The following PHTF1 variants were observed in gnomAD, a reference collection of about 807,000 sequenced individuals.
PHTF1 encodes the protein protein PHTF1.
Under a neutral mutation model 102.4 loss-of-function variants are expected in PHTF1, and 88 were observed. The observed-to-expected ratio is 0.86, with a 90% CI of 0.72 to 1.03. The LOEUF (loss-of-function observed/expected upper bound fraction) is 1.03, where lower values mean the gene tolerates loss of function less well. Ranked by LOEUF, PHTF1 falls within the 50% of genes least tolerant of loss-of-function variation. The pLI is 0.00. For missense variants in PHTF1, 814 were observed against 909.5 expected (o/e 0.89, Z 1.35); for synonymous variants, 289 against 305.2 (o/e 0.95, Z 0.55).
chr1:113,729,319 C>T (rs1013402096), intron 5 of PHTF1, among the ~76,000 whole-genome samples: 3 of 151,780 alleles, frequency 2.0e-5, no homozygotes, highest in Admixed American at 6.6e-5. Context: ...TGGGACAGAA[C>T]GAAAAATACC....
At chr1:113,726,813 A>G (rs1427338696) in intron 5 of PHTF1, among the ~76,000 whole-genome samples, 1 of 152,200 alleles carries the variant, frequency 6.6e-6, no homozygotes, top group Non-Finnish European at 1.5e-5. Flanking sequence ...ATGATAATTT[A>G]GATATTTCAA....
At position 113,699,850 on chromosome 1, in the gene PHTF1, T is replaced by C. The variant is rs773492354; in HGVS notation, c.2047-51A>G. 2.1e-5 allele frequency: 16 copies of C among 764,386 alleles called. No homozygotes were observed. The South Asian group carries it at 2.4e-4, about 12-fold the overall frequency. 47.4% of individuals were successfully genotyped at this position (764,386 alleles called of 1,614,324 possible). Reference sequence around the variant, plus strand: ...TAAATTTCTTGGAAAAAAATATATATACTGCATAAAATCTGGCATATTTCA... The same window carrying C: ...TAAATTTCTTGGAAAAAAATATATACACTGCATAAAATCTGGCATATTTCA... On this transcript the variant is annotated intron_variant, in intron 16 of 18. Coordinates refer to ENST00000369604, the MANE Select transcript of PHTF1 (RefSeq NM_001323043.2).
chr1:113,700,902 C>T lies in PHTF1; in HGVS notation c.1938G>A (p.Glu646=). 1 of 1,613,108 alleles carries T rather than the reference C, an allele frequency of 6.2e-7. No individual in the cohort carries two copies. Among genetic ancestry groups the T allele is most frequent in the South Asian group, 1.1e-5 (1 of 90,948 alleles). The change falls in exon 16 of 19, where the codon GAG becomes GAA. Residue 646 remains glutamate, a synonymous_variant. Transcript: ENST00000369604. ...GTAAAGCTGTTTCCCAGATCAAAAA[C>T]TCCCAGTTATAAGCATCATTCAGGA... ...KTFLNDAYNW[E]FLIWETALLL...
chr1:113,728,253 T>C (rs895007971), intron 5 of PHTF1, among the ~76,000 whole-genome samples: 2 of 152,204 alleles, frequency 1.3e-5, no homozygotes, highest in Non-Finnish European at 2.9e-5. Context: ...AACAACTCTA[T>C]AGGAAATAAC....
At position 113,705,210 on chromosome 1, in the gene PHTF1, C is replaced by T. The variant is rs1015672656; in HGVS notation, c.1672-413G>A. On this transcript the variant is annotated intron_variant, in intron 13 of 18. Coordinates refer to ENST00000369604, the MANE Select transcript of PHTF1 (RefSeq NM_001323043.2). The stretch of plus-strand genomic sequence containing the variant: ...AATCCCAGCACTTTGGGAGGAAAGA[C>T]GGGCGGATAACTTGAGCCCTGGAGT... 4.6e-5 allele frequency among the ~76,000 whole-genome samples: 7 copies of T among 152,186 alleles called. No homozygotes were observed. The East Asian group carries it at 5.8e-4, about 13-fold the overall frequency.
At chr1:113,705,427 C>T (rs1649975491) in intron 13 of PHTF1, among the ~76,000 whole-genome samples, 1 of 152,112 alleles carries the variant, frequency 6.6e-6, no homozygotes, top group Non-Finnish European at 1.5e-5. Flanking sequence ...GGCAATAGAA[C>T]AACACCCGGT....
At chr1:113,723,156 C>G (rs560686383) in intron 7 of PHTF1, among the ~76,000 whole-genome samples, 1 of 151,366 alleles carries the variant, frequency 6.6e-6, no homozygotes, top group Admixed American at 6.6e-5. Context: ...GGAAATAGAT[C>G]CATACATCTA....
At chr1:113,699,632 T>G (rs1557900487) in intron 17 of PHTF1, 72 bp downstream of exon 17, 1 of 746,476 alleles carries the variant, frequency 1.3e-6, no homozygotes, top group South Asian at 1.5e-5. Flanking sequence ...CATCTGCCAT[T>G]TAATGTTTTC....
At chr1:113,744,509 G>A (rs568970425) in intron 3 of PHTF1, among the ~76,000 whole-genome samples, 2 of 152,068 alleles carry the variant, frequency 1.3e-5, no homozygotes, top group Admixed American at 1.3e-4. Flanking sequence ...ACAATTACAA[G>A]GCAAGTATAG....
chr1:113,736,644 T>C (rs550966249), intron 5 of PHTF1, among the ~76,000 whole-genome samples: 1 of 151,556 alleles, frequency 6.6e-6, no homozygotes, highest in East Asian at 2.0e-4. Context: ...ACTCGGGAGG[T>C]TGAGGCACGA....
chr1:113,740,966 G>A (rs1193694143), intron 3 of PHTF1, among the ~76,000 whole-genome samples: 1 of 152,140 alleles, frequency 6.6e-6, no homozygotes. Context: ...GGAACATGGA[G>A]GTTGCAGTGA....
In PHTF1 at chr1:113,710,474, C is replaced by A; in HGVS notation, c.1049G>T (p.Gly350Val). 1.2e-6 allele frequency: 2 copies of A among 1,612,216 alleles called. No homozygotes were observed. Among genetic ancestry groups the A allele is most frequent in the Non-Finnish European group, 1.7e-6 (2 of 1,178,504 alleles). ...SEFESAAFSQ[G>V]SRSGVSGGSR... is the part of the protein sequence containing the mutation. ...GCCACCACTCACACCCGATCTAGAG[C>A]CCTTTAAAGGAAAACAAAAAGCAAA... Residue 350 changes from glycine (G) to valine (V), a missense_variant and splice_region_variant, in exon 11 of 19, where the codon GGC (glycine) becomes GTC (valine). Coordinates refer to ENST00000369604, the MANE Select transcript of PHTF1 (RefSeq NM_001323043.2).
At chr1:113,729,181 C>T (rs1474799353) in intron 5 of PHTF1, among the ~76,000 whole-genome samples, 3 of 152,172 alleles carry the variant, frequency 2.0e-5, no homozygotes, top group Non-Finnish European at 4.4e-5. Context: ...GAAAGACAAA[C>T]TTCACATGTT....
At position 113,713,319 on chromosome 1, in the gene PHTF1, CTT is replaced by C. The variant is rs752774650; in HGVS notation, c.741_742del (p.Lys250SerfsTer11). 4.3e-5 allele frequency: 69 copies of C among 1,613,858 alleles called. No individual in the cohort carries two copies. The highest frequency in any genetic ancestry group is 3.7e-4 in the South Asian group (34 of 91,072). ...TCCATCTGAAAATTTTGCTTTCTCT[CTT>C]GTTTGCCACATTCTAATCTCTGGTC... On this transcript the variant is annotated frameshift_variant, in exon 8 of 19. Transcript: ENST00000369604. LOFTEE classifies it high-confidence loss of function.
intron 5 of PHTF1, among the ~76,000 whole-genome samples, chr1:113,735,655 G>C (rs1209423846): frequency 6.6e-6 from 1 of 151,806 alleles, no homozygotes; most frequent in African/African-American, 2.4e-5. Context: ...TACTATACTG[G>C]GCAGCACAGA....
intron 17 of PHTF1, chr1:113,699,335 TG>T: frequency 2.8e-6 from 1 of 355,188 alleles, no homozygotes; most frequent in Non-Finnish European, 5.4e-6. Context: ...GCTACCTCCT[TG>T]GAGCACTAAC....
intron 3 of PHTF1, among the ~76,000 whole-genome samples, chr1:113,756,313 A>G (rs1348303885): frequency 6.6e-6 from 1 of 152,204 alleles, no homozygotes; most frequent in African/African-American, 2.4e-5. Context: ...TAAATAATCA[A>G]GGACTATACC....
chr1:113,737,986 C>T lies in PHTF1; in HGVS notation c.331+124G>A, dbSNP rs1655775645. On this transcript the variant is annotated intron_variant, in intron 5 of 18. Transcript: ENST00000369604. ...TATGAACCCCAAATGGCATATGTCT[C>T]TTCATTCTGTGTACTTTAAACTGTC... 4.4e-6 allele frequency: 3 copies of T among 680,720 alleles called. No individual in the cohort carries two copies. In the Admixed American group the frequency reaches 8.5e-5, roughly 19 times the overall value. 42.2% of individuals were successfully genotyped at this position (680,720 alleles called of 1,614,324 possible).
chr1:113,705,825 A>C, intron 13 of PHTF1, 65 bp downstream of exon 13: 1 of 1,280,418 alleles, frequency 7.8e-7, no homozygotes, highest in Non-Finnish European at 1.1e-6. Flanking sequence ...CAAGAGAACA[A>C]AAGCAACTCA....
Sources: allele counts gnomAD v4.1 joint callset (sites outside exome capture counted in the v4.1 genomes callset), GRCh38; gene constraint gnomAD v4.1.1; transcripts MANE v1.5; gene names NCBI Gene and HGNC (gene_info 2026-07-23, HGNC 2026-07-21).